DNM3: variants seen among roughly 807,000 people sequenced by gnomAD.
DNM3 encodes dynamin-3.
DNM3 carries 47 observed loss-of-function variants against 101.6 expected under a neutral mutation model. That is an observed-to-expected ratio of 0.46 (90% CI 0.37 to 0.59). The LOEUF (loss-of-function observed/expected upper bound fraction) is 0.59. Among genes scored for constraint, DNM3 ranks in the 20% least tolerant of loss-of-function variants. The pLI is 0.00. For synonymous variants in DNM3, 385 were observed against 387.9 expected, an observed-to-expected ratio of 0.99 and a Z score of 0.09; for missense variants, 849 against 1,085.7, an observed-to-expected ratio of 0.78 and a Z score of 3.06.
At chr1:171,937,251 G>A (rs1020904472) in intron 2 of DNM3, among the ~76,000 whole-genome samples, 4 of 151,458 alleles carry the variant, frequency 2.6e-5, no homozygotes, top group Admixed American at 2.0e-4. Flanking sequence ...TTTAGAATAA[G>A]ATAATCTGCT....
intron 4 of DNM3, among the ~76,000 whole-genome samples, chr1:172,009,660 C>T (rs1018594437): frequency 2.0e-5 from 3 of 151,290 alleles, no homozygotes; most frequent in Non-Finnish European, 3.0e-5. Context: ...TATCGTAGAC[C>T]GATTAGGAGA....
chr1:171,979,508 T>C (rs2044626308), intron 2 of DNM3, among the ~76,000 whole-genome samples: 1 of 152,212 alleles, frequency 6.6e-6, no homozygotes, highest in African/African-American at 2.4e-5. Flanking sequence ...TGTTATACTC[T>C]TTGAGCTCCT....
chr1:172,341,666 A>T (rs1439991613), intron 17 of DNM3, among the ~76,000 whole-genome samples: 2 of 152,170 alleles, frequency 1.3e-5, no homozygotes, highest in Non-Finnish European at 2.9e-5. Context: ...ACCTAGGATA[A>T]CTGGCTAGCT....
At chr1:172,191,211 A>G (rs2059710098) in intron 14 of DNM3, among the ~76,000 whole-genome samples, 1 of 152,134 alleles carries the variant, frequency 6.6e-6, no homozygotes, top group Non-Finnish European at 1.5e-5. Context: ...TAAGGAAGTG[A>G]TCCAGTTTCA....
chr1:172,187,402 A>C (rs2059563486), intron 14 of DNM3, among the ~76,000 whole-genome samples: 1 of 152,076 alleles, frequency 6.6e-6, no homozygotes, highest in South Asian at 2.1e-4. Flanking sequence ...CAGATTCTTT[A>C]GAATGGTAAT....
At chr1:172,401,710 G>T (rs1055081475) in intron 20 of DNM3, among the ~76,000 whole-genome samples, 5 of 152,108 alleles carry the variant, frequency 3.3e-5, no homozygotes, top group Non-Finnish European at 5.9e-5. Flanking sequence ...ACTATTCTTG[G>T]ATAGTATTGG....
intron 1 of DNM3, among the ~76,000 whole-genome samples, chr1:171,910,498 C>T (rs937847957): frequency 7.2e-5 from 11 of 152,184 alleles, no homozygotes; most frequent in Non-Finnish European, 5.9e-5. Flanking sequence ...GGTCTTGGGA[C>T]ATATCCCCTG....
intron 14 of DNM3, among the ~76,000 whole-genome samples, chr1:172,197,964 G>A (rs1027395113): frequency 7.2e-5 from 11 of 152,128 alleles, no homozygotes; most frequent in Non-Finnish European, 1.5e-5. Context: ...AGTGGTAAGA[G>A]AGGGCATCCT....
intron 1 of DNM3, among the ~76,000 whole-genome samples, chr1:171,866,783 A>G (rs1288794893): frequency 1.3e-5 from 2 of 152,014 alleles, no homozygotes; most frequent in East Asian, 3.9e-4. Flanking sequence ...ATAAGCTTCT[A>G]TGGCATCATG....
intron 15 of DNM3, among the ~76,000 whole-genome samples, chr1:172,297,014 G>A (rs529472329): frequency 1.8e-4 from 28 of 152,098 alleles, no homozygotes; most frequent in Admixed American, 4.6e-4. Flanking sequence ...CTTGTGGCAT[G>A]TTCCTGTAAT....
intron 1 of DNM3, among the ~76,000 whole-genome samples, chr1:171,895,225 G>A (rs2037674480): frequency 6.6e-6 from 1 of 152,176 alleles, no homozygotes. Flanking sequence ...GTCTTCCACA[G>A]TGGTTGAACT....
At chr1:171,920,196 A>G (rs908464705) in intron 1 of DNM3, among the ~76,000 whole-genome samples, 6 of 152,312 alleles carry the variant, frequency 3.9e-5, no homozygotes, top group African/African-American at 1.4e-4. Flanking sequence ...TTGACTCTCC[A>G]TTCCAAACTA....
intron 17 of DNM3, among the ~76,000 whole-genome samples, chr1:172,331,719 A>G (rs1354469443): frequency 6.6e-6 from 1 of 152,246 alleles, no homozygotes; most frequent in South Asian, 2.1e-4. Flanking sequence ...ACTCTAAAGA[A>G]TAAACAGAGT....
intron 10 of DNM3, among the ~76,000 whole-genome samples, chr1:172,055,803 T>C (rs1436160839): frequency 4.6e-5 from 7 of 152,236 alleles, no homozygotes; most frequent in Non-Finnish European, 8.8e-5. Flanking sequence ...CTATGGTTTT[T>C]ACACTGTATG....
At chr1:172,260,805 T>G (rs1039960482) in intron 15 of DNM3, among the ~76,000 whole-genome samples, 1 of 152,174 alleles carries the variant, frequency 6.6e-6, no homozygotes, top group Non-Finnish European at 1.5e-5. Context: ...TTTACAGATA[T>G]GTACAGTTGT....
intron 14 of DNM3, among the ~76,000 whole-genome samples, chr1:172,246,362 T>C (rs1324873636): frequency 6.6e-6 from 1 of 152,034 alleles, no homozygotes; most frequent in African/African-American, 2.4e-5. Context: ...ATTTAATATA[T>C]AGGACTTGTC....
At chr1:172,105,928 T>C (rs1047481676) in intron 13 of DNM3, among the ~76,000 whole-genome samples, 3 of 152,222 alleles carry the variant, frequency 2.0e-5, no homozygotes, top group African/African-American at 7.2e-5. Context: ...CACTGGAGTT[T>C]ACTGGATTCT....
chr1:171,843,560 A>G (rs563582252), intron 1 of DNM3, among the ~76,000 whole-genome samples: 67 of 152,356 alleles, frequency 4.4e-4, no homozygotes, highest in African/African-American at 1.5e-3. Flanking sequence ...AGTATTTCAA[A>G]TGAAATTACC....
chr1:172,317,260 G>A (rs989757624), intron 16 of DNM3, among the ~76,000 whole-genome samples: 6 of 151,400 alleles, frequency 4.0e-5, no homozygotes, highest in Non-Finnish European at 8.8e-5. Context: ...GAAATTTATA[G>A]CACTAAATGC....
Sources: allele counts gnomAD v4.1 joint callset (sites outside exome capture counted in the v4.1 genomes callset), GRCh38; gene constraint gnomAD v4.1.1; transcripts MANE v1.5; gene names NCBI Gene and HGNC (gene_info 2026-07-23, HGNC 2026-07-21).